Variants in CTDSPL2 observed in about 807,000 individuals in gnomAD.
CTDSPL2 encodes CTD small phosphatase-like protein 2.
CTDSPL2 carries 5 observed loss-of-function variants against 60.0 expected under a neutral mutation model. The ratio of observed to expected loss-of-function variants is 0.08; its 90% CI spans 0.04 to 0.18. CTDSPL2 has a LOEUF of 0.18. CTDSPL2 is among the 10% of genes least tolerant of loss of function. The pLI is 1.00. For synonymous variants in CTDSPL2, 186 were observed against 189.3 expected (o/e 0.98, Z 0.14); for missense variants, 370 against 548.8 (o/e 0.67, Z 3.26).
At chr15:44,440,008 A>G (rs1417762524) in intron 1 of CTDSPL2, among the ~76,000 whole-genome samples, 6 of 152,112 alleles carry the variant, frequency 3.9e-5, no homozygotes, top group East Asian at 3.8e-4. Flanking sequence ...CAGTGAAGCC[A>G]TTTGGGCCTG....
At chr15:44,433,616 A>G (rs552330198) in intron 1 of CTDSPL2, among the ~76,000 whole-genome samples, 1 of 151,710 alleles carries the variant, frequency 6.6e-6, no homozygotes, top group Non-Finnish European at 1.5e-5. Flanking sequence ...CTGAGTAGCT[A>G]GGACTACAGG....
intron 11 of CTDSPL2, 155 bp from the exon 12 acceptor site, chr15:44,521,156 C>T: frequency 4.3e-6 from 2 of 462,788 alleles, no homozygotes; most frequent in East Asian, 3.8e-5. Flanking sequence ...GTCTCTTGCA[C>T]TATTGAGTTG....
chr15:44,431,724 T>TTGTTTG (rs1348279188), intron 1 of CTDSPL2, among the ~76,000 whole-genome samples: 2 of 143,340 alleles, frequency 1.4e-5, no homozygotes, highest in East Asian at 2.0e-4. Context: ...TTGTTTTTTT[T>TTGTTTG]TTTTTTTTTT....
intron 2 of CTDSPL2, among the ~76,000 whole-genome samples, chr15:44,469,251 T>A (rs918067171): frequency 5.3e-5 from 8 of 152,204 alleles, no homozygotes; most frequent in African/African-American, 1.9e-4. Flanking sequence ...TGTATTTGAA[T>A]TTCATATAGT....
intron 8 of CTDSPL2, among the ~76,000 whole-genome samples, chr15:44,507,411 TG>T (rs2081488516): frequency 6.6e-6 from 1 of 152,196 alleles, no homozygotes; most frequent in Non-Finnish European, 1.5e-5. Flanking sequence ...AGGGATTTTT[TG>T]TTGTTTTGTT....
At chr15:44,468,701 C>T (rs773544106) in intron 2 of CTDSPL2, among the ~76,000 whole-genome samples, 4 of 152,156 alleles carry the variant, frequency 2.6e-5, no homozygotes, top group Non-Finnish European at 5.9e-5. Context: ...AATGAATGAA[C>T]ATGGCTTTGG....
intron 5 of CTDSPL2, among the ~76,000 whole-genome samples, chr15:44,492,985 A>G (rs1233422485): frequency 6.6e-6 from 1 of 152,166 alleles, no homozygotes; most frequent in African/African-American, 2.4e-5. Flanking sequence ...GTGAAGATGG[A>G]GAAAGGATTT....
intron 6 of CTDSPL2, 69 bp from the exon 7 acceptor site, chr15:44,496,958 C>A: frequency 1.2e-6 from 1 of 802,432 alleles, no homozygotes; most frequent in Non-Finnish European, 2.0e-6. Flanking sequence ...TTTAAATGGG[C>A]TGAGCTTAGT....
intron 1 of CTDSPL2, among the ~76,000 whole-genome samples, chr15:44,446,902 C>T (rs564864102): frequency 2.0e-5 from 3 of 151,804 alleles, no homozygotes; most frequent in South Asian, 4.2e-4. Flanking sequence ...TTACAGGTGC[C>T]TGCCACTATG....
chr15:44,513,914 A>G (rs2081608875), intron 8 of CTDSPL2, among the ~76,000 whole-genome samples: 1 of 152,212 alleles, frequency 6.6e-6, no homozygotes, highest in Non-Finnish European at 1.5e-5. Context: ...TATGTAAAGC[A>G]GTTCTGTGGG....
At chr15:44,486,821 A>G (rs2081129233) in intron 4 of CTDSPL2, 121 bp downstream of exon 4, 4 of 660,698 alleles carry the variant, frequency 6.1e-6, no homozygotes, top group Non-Finnish European at 9.5e-6. Flanking sequence ...GAGTGCAGTG[A>G]CGCGATCTCC....
intron 2 of CTDSPL2, among the ~76,000 whole-genome samples, chr15:44,480,833 AAAAAAAG>A (rs1203275661): frequency 2.6e-5 from 4 of 152,102 alleles, no homozygotes; most frequent in African/African-American, 4.8e-5. Flanking sequence ...TGCCTCCATG[AAAAAAAG>A]AAAAAAGAAA....
intron 2 of CTDSPL2, among the ~76,000 whole-genome samples, chr15:44,478,949 C>G (rs2080973432): frequency 1.3e-5 from 2 of 152,032 alleles, no homozygotes; most frequent in South Asian, 4.1e-4. Flanking sequence ...TGACGGCTGT[C>G]TAGCCTGTCT....
intron 1 of CTDSPL2, among the ~76,000 whole-genome samples, chr15:44,433,510 TCTCA>T (rs2079907032): frequency 1.3e-5 from 2 of 151,844 alleles, no homozygotes; most frequent in South Asian, 4.2e-4. Flanking sequence ...TGAGATGGAC[TCTCA>T]CTCTGTTGCC....
At chr15:44,433,459 T>TACAC (rs56657073) in intron 1 of CTDSPL2, among the ~76,000 whole-genome samples, 2,971 of 147,790 alleles carry the variant, frequency 0.02, 40 homozygotes, top group Middle Eastern at 0.031. Flanking sequence ...TACATATATA[T>TACAC]ACACACACAC....
At chr15:44,450,478 G>A (rs905039914) in intron 1 of CTDSPL2, among the ~76,000 whole-genome samples, 3 of 152,022 alleles carry the variant, frequency 2.0e-5, no homozygotes, top group Admixed American at 6.5e-5. Context: ...TTCATTTGAG[G>A]TGATGTTAGT....
chr15:44,503,932 A>T (rs2081417094), intron 8 of CTDSPL2: 2 of 152,268 alleles, frequency 1.3e-5, no homozygotes, highest in African/African-American at 4.8e-5. Context: ...GGTTGCTTTT[A>T]TGGGAAAAGT....
In CTDSPL2 at chr15:44,527,334, A is replaced by G. The variant is rs896190986; in HGVS notation, c.*3160A>G. 1.3e-5 allele frequency: 2 copies of G among 152,460 alleles called. No individual in the cohort carries two copies. The highest frequency in any genetic ancestry group is 1.9e-4 in the East Asian group (1 of 5,188). The allele number at this position is 152,460 out of a possible 1,614,324, so 9.4% of individuals were successfully genotyped here. A position where few individuals can be genotyped will look rare whatever the true frequency, so the allele number is the denominator to read the frequency against. ...TTTTTTAAAAAATTATCTTTGGCCA[A>G]TGACTTTTTCATCTAGATCTTACTT... On this transcript the variant is annotated 3_prime_UTR_variant, in exon 13 of 13. Coordinates refer to ENST00000260327, the MANE Select transcript of CTDSPL2 (RefSeq NM_016396.3).
chr15:44,507,180 G>A (rs1196023016), intron 8 of CTDSPL2, among the ~76,000 whole-genome samples: 2 of 151,954 alleles, frequency 1.3e-5, no homozygotes, highest in African/African-American at 2.4e-5. Context: ...CACCTCCTGG[G>A]TTCAAGCGAT....
Sources: gnomAD v4.1 joint callset for allele counts (sites outside exome capture counted in the v4.1 genomes callset) on GRCh38, gnomAD v4.1.1 for gene constraint, MANE v1.5 for transcripts, NCBI Gene and HGNC (gene_info 2026-07-23, HGNC 2026-07-21) for gene names.